SLC9A3: variants seen among roughly 807,000 people sequenced by gnomAD.
SLC9A3 encodes the protein solute carrier family 9 member A3.
Under a neutral mutation model 86.8 loss-of-function variants are expected in SLC9A3, and 37 were observed. The ratio of observed to expected loss-of-function variants is 0.43; its 90% CI spans 0.33 to 0.56. The LOEUF (loss-of-function observed/expected upper bound fraction) is 0.56, where lower values mean the gene tolerates loss of function less well. Among genes scored for constraint, SLC9A3 ranks in the 20% least tolerant of loss-of-function variants. SLC9A3 has a pLI of 0.06. For synonymous variants in SLC9A3, 581 were observed against 528.3 expected (o/e 1.10, Z -1.37); for missense variants, 1,011 against 1,171.9 (o/e 0.86, Z 2.00).
At position 473,210 on chromosome 5, in the gene SLC9A3, G is replaced by C. The variant is rs1738491489; in HGVS notation, c.*169C>G. The stretch of plus-strand genomic sequence containing the variant: ...CGGGCGGCTCTGCGGGCGCAGGCGC[G>C]GCACTCTCGGAGTTCTGCGCAGGCG... On this transcript the variant is annotated 3_prime_UTR_variant, in exon 17 of 17. Transcript: ENST00000264938. 4 of 673,070 alleles carry C rather than the reference G, an allele frequency of 5.9e-6. No homozygotes were observed. Among genetic ancestry groups the C allele is most frequent in the Non-Finnish European group, 8.1e-6 (4 of 495,182 alleles). The allele number at this position is 673,070 out of a possible 1,614,324, so 41.7% of individuals were successfully genotyped here.
chr5:492,664 G>A (rs1026706905), intron 1 of SLC9A3, among the ~76,000 whole-genome samples: 1 of 151,976 alleles, frequency 6.6e-6, no homozygotes, highest in Non-Finnish European at 1.5e-5. Context: ...GTGGTCGGGG[G>A]GGGGCCTCTG....
intron 1 of SLC9A3, among the ~76,000 whole-genome samples, chr5:512,500 G>A (rs1312067498): frequency 6.6e-6 from 1 of 151,826 alleles, no homozygotes; most frequent in African/African-American, 2.4e-5. Flanking sequence ...TATAAACTGT[G>A]GACCTTAATT....
intron 3 of SLC9A3, among the ~76,000 whole-genome samples, chr5:485,818 G>A (rs971589845): frequency 6.6e-6 from 1 of 152,244 alleles, no homozygotes; most frequent in Non-Finnish European, 1.5e-5. Context: ...GGACCCTGGG[G>A]CAGGCGTGTA....
chr5:480,162 G>A lies in SLC9A3; in HGVS notation c.1518-197C>T, dbSNP rs191895257. ...CCGCCTGTCCTGTTGGATGGAGGCC[G>A]TTAGACGCATATGAAACTGCATGCC... On this transcript the variant is annotated intron_variant, in intron 9 of 16. Transcript: ENST00000264938. The A allele has an allele frequency of 1.1e-3, 635 of 567,784 alleles. 1 individual carries two copies. Among genetic ancestry groups the A allele is most frequent in the Middle Eastern group, 1.5e-3 (3 of 2,040 alleles). 35.2% of individuals were successfully genotyped at this position (567,784 alleles called of 1,614,324 possible).
At position 491,744 on chromosome 5, in the gene SLC9A3, C is replaced by T. The variant is rs770583074; in HGVS notation, c.514+25G>A. 8.8e-5 allele frequency: 131 copies of T among 1,491,492 alleles called. No individual in the cohort carries two copies. The highest frequency in any genetic ancestry group is 2.2e-4 in the East Asian group (9 of 40,394). The allele number at this position is 1,491,492 out of a possible 1,614,324, so 92.4% of individuals were successfully genotyped here. On this transcript the variant is annotated intron_variant, in intron 2 of 16. Transcript: ENST00000264938. This position sits in a 1 kb window ranked among gnomAD's most constrained non-coding sequence, Gnocchi z 9.2. The stretch of plus-strand genomic sequence containing the variant: ...TCCCGGACCCCACCCTGATCCCGGC[C>T]GGGGCAACAGTGGCGCAGACTCACC...
chr5:511,980 C>A (rs1014726640), intron 1 of SLC9A3, among the ~76,000 whole-genome samples: 1 of 152,178 alleles, frequency 6.6e-6, no homozygotes, highest in East Asian at 1.9e-4. Context: ...AACACAGATG[C>A]AATGACTAAG....
Position 470,774 on chromosome 5 carries a change from C to T in SLC9A3, c.*2605G>A, listed in dbSNP as rs1738313088. ...GTACACAGTATATTGAACTCTGTAA[C>T]AAAATTATTTTTGAGAAAATACAGA... is the stretch of plus-strand genomic sequence containing the variant. On this transcript the variant is annotated 3_prime_UTR_variant, in exon 17 of 17. Coordinates refer to ENST00000264938, the MANE Select transcript of SLC9A3 (RefSeq NM_004174.4). The T allele has an allele frequency of 2.6e-5, 4 of 152,260 alleles. No homozygotes were observed. Among genetic ancestry groups the T allele is most frequent in the Admixed American group, 2.6e-4 (4 of 15,280 alleles). 9.4% of individuals were successfully genotyped at this position (152,260 alleles called of 1,614,324 possible).
intron 1 of SLC9A3, among the ~76,000 whole-genome samples, chr5:522,932 T>TC (rs571343881): frequency 1.9e-4 from 29 of 149,950 alleles, no homozygotes; most frequent in East Asian, 1.4e-3. Context: ...CCTCAGAGAC[T>TC]CCCCCCCGGC....
At chr5:503,841 T>C (rs564882284) in intron 1 of SLC9A3, among the ~76,000 whole-genome samples, 1 of 152,360 alleles carries the variant, frequency 6.6e-6, no homozygotes, top group South Asian at 2.1e-4. Flanking sequence ...GGAAATCTCA[T>C]CCACGGCTGT....
At position 476,277 on chromosome 5, in the gene SLC9A3, G is replaced by A; in HGVS notation, c.1992C>T (p.Phe664=). The A allele has an allele frequency of 6.2e-7, 1 of 1,614,016 alleles. No homozygotes were observed. Among genetic ancestry groups the A allele is most frequent in the Non-Finnish European group, 8.5e-7 (1 of 1,180,018 alleles). The change falls in exon 13 of 17, where the codon TTC becomes TTT. Residue 664 remains phenylalanine, a synonymous_variant. Coordinates refer to ENST00000264938, the MANE Select transcript of SLC9A3 (RefSeq NM_004174.4). ...HRTMRKRLES[F]KSTKLGLNQN... is the part of the protein sequence containing the mutation. The stretch of plus-strand genomic sequence containing the variant: ...GGTTGAGCCCCAGCTTGGTCGACTT[G>A]AAGGACTCCAGGCGCTTCCGCATGG...
intron 9 of SLC9A3, chr5:480,184 T>C (rs1002718212): frequency 3.0e-5 from 15 of 507,120 alleles, no homozygotes; most frequent in Non-Finnish European, 5.3e-5. Context: ...TGAAACTGCA[T>C]GCCGCCTCCT....
In SLC9A3 at chr5:485,338, C is replaced by T. The variant is rs41282629; in HGVS notation, c.676-107G>A. 26,568 of 870,332 alleles carry T rather than the reference C, an allele frequency of 0.031. 564 individuals are homozygous for T. Among genetic ancestry groups the T allele is most frequent in the Middle Eastern group, 0.062 (258 of 4,178 alleles). 53.9% of individuals were successfully genotyped at this position (870,332 alleles called of 1,614,324 possible). On this transcript the variant is annotated intron_variant, in intron 3 of 16. Coordinates refer to ENST00000264938, the MANE Select transcript of SLC9A3 (RefSeq NM_004174.4). ...GCCCGAGTGTGGAGCCCATGGCACCCGAGGCCGTTGGAAGGAAAATCATCA... is the reference window on the plus strand; with the variant it reads ...GCCCGAGTGTGGAGCCCATGGCACCTGAGGCCGTTGGAAGGAAAATCATCA...
Position 488,476 on chromosome 5 carries a change from C to G in SLC9A3, c.515G>C (p.Gly172Ala). 6.4e-7 allele frequency: 1 copy of G among 1,557,744 alleles called. No homozygotes were observed. Among genetic ancestry groups the G allele is most frequent in the Non-Finnish European group, 8.7e-7 (1 of 1,148,758 alleles). Residue 172 changes from glycine (G) to alanine (A), a missense_variant and splice_region_variant, in exon 3 of 17, where the codon GGC becomes GCC. By Grantham distance (60) the Gly-to-Ala change is moderately conservative. This residue lies in a region of SLC9A3 where 565 missense variants were observed against 790.0 expected (regional missense o/e 0.72). Transcript: ENST00000264938. ...LYGVFLSGLM[G>A]DLQIGLLDFL... The stretch of plus-strand genomic sequence containing the variant: ...GTCCAGCAGCCCAATCTGCAGGTCG[C>G]CTGGAAGACAAGCCGGGCCGCGGGG...
At chr5:475,955 G>C in intron 14 of SLC9A3, 65 bp downstream of exon 14, 18 of 1,379,310 alleles carry the variant, frequency 1.3e-5, no homozygotes, top group Non-Finnish European at 1.7e-5. Flanking sequence ...TTCCCGAGCC[G>C]GGAGGGCTGG....
At chr5:520,923 C>T (rs771443637) in intron 1 of SLC9A3, among the ~76,000 whole-genome samples, 7 of 152,162 alleles carry the variant, frequency 4.6e-5, no homozygotes, top group Non-Finnish European at 7.4e-5. Context: ...CCAACACGGA[C>T]GGTGCAGGGT....
chr5:475,179 C>T (rs776421593), intron 15 of SLC9A3, 47 bp from the exon 16 acceptor site: 2 of 1,523,408 alleles, frequency 1.3e-6, no homozygotes, highest in East Asian at 4.5e-5. Flanking sequence ...AGCCCCACGG[C>T]GGCAGGGGAG....
intron 10 of SLC9A3, chr5:477,709 G>T (rs1376939273): frequency 4.6e-6 from 2 of 434,098 alleles, no homozygotes; most frequent in African/African-American, 2.0e-5. Context: ...GGACACAGTG[G>T]TCTGAGTGTG....
intron 1 of SLC9A3, among the ~76,000 whole-genome samples, chr5:492,421 G>T (rs1468015021): frequency 7.4e-6 from 1 of 135,518 alleles, no homozygotes; most frequent in Non-Finnish European, 1.6e-5. Flanking sequence ...TGGGACCTGC[G>T]GGGGAGGGGA....
intron 1 of SLC9A3, among the ~76,000 whole-genome samples, chr5:512,835 C>T (rs1002094480): frequency 2.0e-5 from 3 of 152,086 alleles, no homozygotes; most frequent in African/African-American, 7.2e-5. Context: ...GGCTGCGGCA[C>T]CCCTGGAGGA....
Sources: allele counts gnomAD v4.1 joint callset (sites outside exome capture counted in the v4.1 genomes callset), GRCh38; gene constraint gnomAD v4.1.1; regional missense constraint gnomAD v4.1.1; non-coding constraint Gnocchi (gnomAD v3.1); transcripts MANE v1.5; gene names NCBI Gene and HGNC (gene_info 2026-07-23, HGNC 2026-07-21).